DMD: variants seen among roughly 807,000 people sequenced by gnomAD.
DMD encodes dystrophin.
A neutral mutation model predicts 330.1 loss-of-function variants in DMD; 63 were observed. The ratio of observed to expected loss-of-function variants is 0.19; its 90% CI spans 0.16 to 0.24. DMD has a LOEUF of 0.24. Ranked by LOEUF, DMD falls within the 10% of genes least tolerant of loss-of-function variation. The pLI, the probability that DMD is intolerant of heterozygous loss-of-function variation, is 1.00. For synonymous variants in DMD, 1,223 were observed against 959.8 expected (o/e 1.27, Z -5.07); for missense variants, 3,344 against 2,684.1 (o/e 1.25, Z -5.43).
intron 63 of DMD, among the ~76,000 whole-genome samples, chrX:31,260,519 T>A (rs2050406362): frequency 8.9e-6 from 1 of 111,810 alleles, no homozygotes; most frequent in South Asian, 3.8e-4. Flanking sequence ...TTAGGAATTG[T>A]GAGCACCGGA....
chrX:32,047,595 ACT>A (rs2096073023), intron 44 of DMD, among the ~76,000 whole-genome samples: 1 of 111,384 alleles, frequency 9.0e-6, no homozygotes. Context: ...TTTTGTGACC[ACT>A]CTGTTCCTTG....
intron 64 of DMD, among the ~76,000 whole-genome samples, chrX:31,218,336 T>C (rs2045623011): frequency 9.1e-6 from 1 of 109,747 alleles, no homozygotes; most frequent in African/African-American, 3.3e-5. Context: ...ATTACTCCTT[T>C]ATTAAAGGAA....
chrX:32,613,749 T>A (rs937892144), intron 12 of DMD, among the ~76,000 whole-genome samples: 6 of 111,610 alleles, frequency 5.4e-5, no homozygotes, highest in African/African-American at 1.9e-4. Context: ...CACAAATATG[T>A]TTGATTTCTT....
At chrX:32,964,408 T>C (rs1372291386) in intron 2 of DMD, among the ~76,000 whole-genome samples, 1 of 110,748 alleles carries the variant, frequency 9.0e-6, no homozygotes, top group Non-Finnish European at 1.9e-5. Flanking sequence ...CAAATAGAAA[T>C]GCAGAGTTCT....
chrX:32,716,959 C>T (rs1046426246), intron 7 of DMD, among the ~76,000 whole-genome samples: 4 of 111,590 alleles, frequency 3.6e-5, no homozygotes, highest in Non-Finnish European at 7.5e-5. Flanking sequence ...GACCTGGCTT[C>T]TTCTAACAGT....
intron 54 of DMD, among the ~76,000 whole-genome samples, chrX:31,642,817 G>A (rs2079849039): frequency 8.9e-6 from 1 of 111,995 alleles, no homozygotes; most frequent in Non-Finnish European, 1.9e-5. Context: ...CTTTTACTTG[G>A]AAATATGTTT....
At chrX:31,776,219 C>T (rs1055408083) in intron 50 of DMD, among the ~76,000 whole-genome samples, 3 of 111,145 alleles carry the variant, frequency 2.7e-5, no homozygotes, top group South Asian at 3.8e-4. Flanking sequence ...AACTGCAGAA[C>T]ACCAGGCTGA....
intron 33 of DMD, among the ~76,000 whole-genome samples, chrX:32,384,026 C>A (rs891679996): frequency 9.1e-6 from 1 of 110,353 alleles, no homozygotes; most frequent in Non-Finnish European, 1.9e-5. Flanking sequence ...CTCATCCATA[C>A]ATTATTTTAG....
chrX:32,252,843 A>AGT (rs2097278996), intron 43 of DMD, among the ~76,000 whole-genome samples: 1 of 53,543 alleles, frequency 1.9e-5, no homozygotes, highest in African/African-American at 7.9e-5. Flanking sequence ...AATATATATA[A>AGT]ATATATAAAT....
chrX:31,771,556 G>C (rs1260049164), intron 51 of DMD, among the ~76,000 whole-genome samples: 2 of 108,847 alleles, frequency 1.8e-5, no homozygotes, highest in African/African-American at 6.7e-5. Flanking sequence ...AGTCTGGAGT[G>C]CAATGGTGTG....
intron 44 of DMD, among the ~76,000 whole-genome samples, chrX:32,145,289 A>G (rs1236743103): frequency 8.9e-6 from 1 of 112,309 alleles, no homozygotes; most frequent in Non-Finnish European, 1.9e-5. Context: ...TACATCATAG[A>G]TAAGGCATAT....
At chrX:32,347,946 C>T (rs2097769489) in intron 38 of DMD, among the ~76,000 whole-genome samples, 1 of 111,415 alleles carries the variant, frequency 9.0e-6, no homozygotes, top group African/African-American at 3.3e-5. Context: ...AACTAAACAA[C>T]TATTTGGTAA....
chrX:31,138,864 A>G (rs2035678387), intron 76 of DMD, among the ~76,000 whole-genome samples: 1 of 111,633 alleles, frequency 9.0e-6, no homozygotes, highest in Admixed American at 9.5e-5. Context: ...ACAGAGCCAA[A>G]CCATATTAAT....
At chrX:33,320,733 T>C (rs1257800355) in intron 1 of DMD, among the ~76,000 whole-genome samples, 1 of 112,529 alleles carries the variant, frequency 8.9e-6, no homozygotes, top group African/African-American at 3.2e-5. Context: ...TAGCATGTGC[T>C]GCTGTTTGAT....
At chrX:32,683,996 A>AACAC (rs751597257) in intron 9 of DMD, among the ~76,000 whole-genome samples, 51 of 100,535 alleles carry the variant, frequency 5.1e-4, no homozygotes, top group African/African-American at 1.4e-3. Context: ...GCACATACAA[A>AACAC]ACACACACAC....
At chrX:32,652,589 A>G (rs1347464660) in intron 9 of DMD, among the ~76,000 whole-genome samples, 2 of 110,755 alleles carry the variant, frequency 1.8e-5, no homozygotes, top group Non-Finnish European at 3.8e-5. Context: ...TAGTGCCGCA[A>G]TAAACATACG....
intron 2 of DMD, among the ~76,000 whole-genome samples, chrX:32,934,485 G>A (rs1225708416): frequency 9.0e-6 from 1 of 110,564 alleles, no homozygotes; most frequent in Non-Finnish European, 1.9e-5. Context: ...TCAAGCCTGG[G>A]TGACAGAGAA....
In DMD at chrX:31,223,124, G is replaced by A. The variant is rs1424156840; in HGVS notation, c.9287-3C>T. 1 of 1,202,309 alleles carries A rather than the reference G, an allele frequency of 8.3e-7. No homozygotes were observed. The highest frequency in any genetic ancestry group is 2.2e-5 in the Admixed American group (1 of 45,988). The stretch of plus-strand genomic sequence containing the variant: ...GAATCTGACATTATTCAGGTCAGCT[G>A]AAAAGAGGGAAAACAAAGAGCATTT... On this transcript the variant is annotated splice_polypyrimidine_tract_variant and splice_region_variant and intron_variant, in intron 63 of 78. Coordinates refer to ENST00000357033, the MANE Select transcript of DMD (RefSeq NM_004006.3).
chrX:31,959,428 T>A (rs891189689), intron 45 of DMD, among the ~76,000 whole-genome samples: 2 of 111,937 alleles, frequency 1.8e-5, no homozygotes, highest in Middle Eastern at 9.2e-3. Flanking sequence ...AAAAATATTG[T>A]AAAATTGGAG....
Sources: gnomAD v4.1 joint callset for allele counts (sites outside exome capture counted in the v4.1 genomes callset) on GRCh38, gnomAD v4.1.1 for gene constraint, MANE v1.5 for transcripts, NCBI Gene and HGNC (gene_info 2026-07-23, HGNC 2026-07-21) for gene names.